The following HAL variants were observed in gnomAD, a reference collection of about 807,000 sequenced individuals.
The protein encoded by HAL is histidase.
A neutral mutation model predicts 81.1 loss-of-function variants in HAL; 85 were observed. The observed-to-expected ratio is 1.05, with a 90% confidence interval of 0.88 to 1.25. The LOEUF is 1.25. HAL is among the 50% of genes most tolerant of loss of function. The probability of loss-of-function intolerance (pLI) is 0.00; values close to 1 mark genes in which losing one functional copy is unlikely to be tolerated. For missense variants in HAL, 798 were observed against 836.6 expected, an observed-to-expected ratio of 0.95 and a Z score of 0.57; for synonymous variants, 301 against 309.2, an observed-to-expected ratio of 0.97 and a Z score of 0.28.
intron 2 of HAL, 23 bp downstream of exon 2, chr12:95,995,641 G>T: frequency 6.2e-7 from 1 of 1,612,154 alleles, no homozygotes; most frequent in Non-Finnish European, 8.5e-7. Context: ...ACCCGTTCGC[G>T]GCCCTCTCCT....
chr12:95,974,462 A>C, intron 20 of HAL, 90 bp from the exon 21 acceptor site: 1 of 1,133,394 alleles, frequency 8.8e-7, no homozygotes. Flanking sequence ...GTCAAAACAT[A>C]CTCTATACAT....
At chr12:95,990,836 G>A (rs188244013) in intron 9 of HAL, among the ~76,000 whole-genome samples, 12 of 152,298 alleles carry the variant, frequency 7.9e-5, no homozygotes, top group Admixed American at 1.3e-4. Context: ...AGGGCCAGGC[G>A]CAGTGGCTCA....
chr12:95,994,875 C>T (rs1310796801), intron 3 of HAL, 50 bp from the exon 4 acceptor site: 1 of 1,610,188 alleles, frequency 6.2e-7, no homozygotes, highest in African/African-American at 1.3e-5. Context: ...AACCCCCAGC[C>T]CCACCATCTG....
rs554001078 is a variant in HAL at position 95,975,298 on chromosome 12, C to T, written c.1834-926G>A. Among the ~76,000 whole-genome samples the T allele has an allele frequency of 1.6e-4, 25 of 152,200 alleles. No individual in the cohort carries two copies. The South Asian group carries it at 5.2e-3, about 32-fold the overall frequency. On this transcript the variant is annotated intron_variant, in intron 20 of 20. Coordinates refer to ENST00000261208, the MANE Select transcript of HAL (RefSeq NM_002108.4). The stretch of plus-strand genomic sequence containing the variant: ...CCACTTTAATGTTGGAGAGGCACTG[C>T]CTCAGATCCTTGGTTAGCTTTTGCC...
rs769562565 is a variant in HAL at position 95,980,792 on chromosome 12, G to A, written c.1353+6C>T. ...TCTGGGTCAGGAGCAGTTTTAAAAA[G>A]CTTACTTTGGCTGGGTATTCACCAT... On this transcript the variant is annotated splice_donor_region_variant and intron_variant, in intron 16 of 20. Transcript: ENST00000261208. 1.9e-6 allele frequency: 3 copies of A among 1,593,226 alleles called. No individual in the cohort carries two copies. The highest frequency in any genetic ancestry group is 1.7e-5 in the Admixed American group (1 of 60,002).
At chr12:95,989,500 T>C (rs1269094641) in intron 10 of HAL, 1 of 152,296 alleles carries the variant, frequency 6.6e-6, no homozygotes, top group East Asian at 1.9e-4. Flanking sequence ...AGAACATTCC[T>C]TCTCCAAGCA....
At position 95,990,916 on chromosome 12, in the gene HAL, C is replaced by T. The variant is rs538617615; in HGVS notation, c.716-384G>A. Among the ~76,000 whole-genome samples, 4 of 152,282 alleles carry T rather than the reference C, an allele frequency of 2.6e-5. No homozygotes were observed. The East Asian group carries it at 7.7e-4, about 29-fold the overall frequency. On this transcript the variant is annotated intron_variant, in intron 9 of 20. Coordinates refer to ENST00000261208, the MANE Select transcript of HAL (RefSeq NM_002108.4). ...CTTGAGCCCAGGAGTTCAAGACCAGCCTGGGCAACACGGTGAAACCCTGTC... is the reference window on the plus strand; with the variant it reads ...CTTGAGCCCAGGAGTTCAAGACCAGTCTGGGCAACACGGTGAAACCCTGTC...
At position 95,987,009 on chromosome 12, in the gene HAL, C is replaced by A. The variant is rs548503971; in HGVS notation, c.1051+58G>T. 3.6e-4 allele frequency: 524 copies of A among 1,473,898 alleles called. 1 individual carries two copies. Among genetic ancestry groups the A allele is most frequent in the South Asian group, 8.9e-4 (78 of 87,976 alleles). The allele number at this position is 1,473,898 out of a possible 1,614,324, so 91.3% of individuals were successfully genotyped here. Reference sequence around the variant, plus strand: ...CTTCTGTGTCTAAAGATCTCAGCCACCCCGCCCCACCACCTCTGGTTGAAT... The same window carrying A: ...CTTCTGTGTCTAAAGATCTCAGCCAACCCGCCCCACCACCTCTGGTTGAAT... On this transcript the variant is annotated intron_variant, in intron 12 of 20. Coordinates refer to ENST00000261208, the MANE Select transcript of HAL (RefSeq NM_002108.4).
rs748826421 is a variant in HAL at position 95,978,085 on chromosome 12, G to A, written c.1520-7C>T. The A allele has an allele frequency of 1.2e-6, 2 of 1,613,012 alleles. No individual in the cohort carries two copies. The highest frequency in any genetic ancestry group is 1.7e-6 in the Non-Finnish European group (2 of 1,179,010). On this transcript the variant is annotated splice_polypyrimidine_tract_variant and splice_region_variant and intron_variant, in intron 17 of 20. Transcript: ENST00000261208. ...AGAGCCTTGTTCTCAGAAACTGCAA[G>A]AGACCAGTGCCAGTTAAGAAGTGCT...
intron 17 of HAL, among the ~76,000 whole-genome samples, 179 bp downstream of exon 17, chr12:95,980,377 A>AT (rs1212296803): frequency 2.0e-5 from 3 of 152,176 alleles, no homozygotes; most frequent in African/African-American, 2.4e-5. Context: ...TTTTTAAACT[A>AT]TTTTTTTCTG....
In HAL at chr12:95,990,357, G is replaced by A. The variant is rs779981663; in HGVS notation, c.855+36C>T. ...AAGCACAGTTGGTGTCCAACCTGGG[G>A]CAATTGCTGCAGATAGAAGCTGCTA... On this transcript the variant is annotated intron_variant, in intron 10 of 20. Coordinates refer to ENST00000261208, the MANE Select transcript of HAL (RefSeq NM_002108.4). 2.1e-5 allele frequency: 34 copies of A among 1,587,128 alleles called. No individual in the cohort carries two copies. The Middle Eastern group carries it at 9.9e-4, about 46-fold the overall frequency.
At chr12:95,983,702 C>T (rs1216955165) in intron 15 of HAL, 5 of 597,722 alleles carry the variant, frequency 8.4e-6, no homozygotes, top group African/African-American at 1.9e-5. Flanking sequence ...AGACTTGGAA[C>T]CTGAGAGTAA....
intron 14 of HAL, among the ~76,000 whole-genome samples, chr12:95,984,364 A>G (rs931634290): frequency 3.9e-5 from 6 of 152,262 alleles, no homozygotes; most frequent in Non-Finnish European, 7.3e-5. Context: ...GAAAAGAGAC[A>G]ATAGCACTTA....
intron 12 of HAL, among the ~76,000 whole-genome samples, chr12:95,986,797 G>A (rs1949894477): frequency 6.6e-6 from 1 of 152,014 alleles, no homozygotes; most frequent in Non-Finnish European, 1.5e-5. Context: ...TCCTAAGACA[G>A]CACAGAGCTT....
intron 17 of HAL, among the ~76,000 whole-genome samples, chr12:95,978,756 G>A (rs986545856): frequency 2.0e-5 from 3 of 152,172 alleles, no homozygotes; most frequent in Non-Finnish European, 4.4e-5. Context: ...TACACTATAA[G>A]TAGCAAAAAC....
Position 95,985,911 on chromosome 12 carries a change from T to C in HAL, c.1203A>G (p.Pro401=). The C allele has an allele frequency of 6.2e-7, 1 of 1,604,654 alleles. No individual in the cohort carries two copies. The highest frequency in any genetic ancestry group is 1.7e-4 in the Middle Eastern group (1 of 6,040). ...VQDAYTLRCC[P]QVHGVVNDTI... ...TTTTTTTTTTTCTTTATTTTACCTGTGGACAGCAGCGCAAGGTGTATGCAT... is the reference window on the plus strand; with the variant it reads ...TTTTTTTTTTTCTTTATTTTACCTGCGGACAGCAGCGCAAGGTGTATGCAT... The change falls in exon 14 of 21, where the codon CCA becomes CCG. Residue 401 remains proline (P), a synonymous_variant. Transcript: ENST00000261208.
chr12:95,974,130 G>T lies in HAL; in HGVS notation c.*102C>A. The stretch of plus-strand genomic sequence containing the variant: ...CTTTAGAAGAACTGAATGATACAAT[G>T]GATTGATCTACCTAGGAAAGTTCTC... On this transcript the variant is annotated 3_prime_UTR_variant, in exon 21 of 21. Coordinates refer to ENST00000261208, the MANE Select transcript of HAL (RefSeq NM_002108.4). The T allele has an allele frequency of 1.0e-6, 1 of 990,012 alleles. No homozygotes were observed. The highest frequency in any genetic ancestry group is 1.6e-6 in the Non-Finnish European group (1 of 611,850). 61.3% of individuals were successfully genotyped at this position (990,012 alleles called of 1,614,324 possible).
In HAL at chr12:95,993,561, G is replaced by A. The variant is rs1949997176; in HGVS notation, c.552-73C>T. The A allele has an allele frequency of 3.0e-5, 32 of 1,053,148 alleles. 3 individuals carry two copies. In the South Asian group the frequency reaches 3.9e-4, roughly 13 times the overall value. 65.2% of individuals were successfully genotyped at this position (1,053,148 alleles called of 1,614,324 possible). ...ATGTTCCCTCAGCTGGGAAAATGAA[G>A]GGAATCATGGTCAAATCCTTGGAGG... is the stretch of plus-strand genomic sequence containing the variant. On this transcript the variant is annotated intron_variant, in intron 7 of 20. Transcript: ENST00000261208.
chr12:95,982,806 GAACTGAGGCAGATGTGGA>G (rs1315081718), intron 15 of HAL, among the ~76,000 whole-genome samples: 4 of 152,196 alleles, frequency 2.6e-5, no homozygotes, highest in African/African-American at 9.7e-5. Flanking sequence ...CTAGGATTCA[GAACTGAGGCAGATGTGGA>G]ATAGGAAAAA....
Sources: allele counts gnomAD v4.1 joint callset (sites outside exome capture counted in the v4.1 genomes callset), GRCh38; gene constraint gnomAD v4.1.1; transcripts MANE v1.5; gene names NCBI Gene and HGNC (gene_info 2026-07-23, HGNC 2026-07-21).